Variants in GLIS1 observed in about 807,000 individuals in gnomAD.
The protein encoded by GLIS1 is GLIS family zinc finger 1.
GLIS1 carries 24 observed loss-of-function variants against 63.8 expected under a neutral mutation model. The observed-to-expected ratio is 0.38, with a 90% CI of 0.27 to 0.53. The LOEUF (loss-of-function observed/expected upper bound fraction) is 0.53, where lower values mean the gene tolerates loss of function less well. Ranked by LOEUF, GLIS1 falls within the 20% of genes least tolerant of loss-of-function variation. The probability of loss-of-function intolerance (pLI) is 0.85; values close to 1 mark genes in which losing one functional copy is unlikely to be tolerated. For synonymous variants in GLIS1, 450 were observed against 482.5 expected (o/e 0.93, Z 0.88); for missense variants, 1,036 against 1,074.1 (o/e 0.96, Z 0.50).
chr1:53,679,291 T>G (rs1053416736), intron 2 of GLIS1, among the ~76,000 whole-genome samples: 8 of 152,162 alleles, frequency 5.3e-5, no homozygotes, highest in Non-Finnish European at 1.2e-4. Flanking sequence ...GCAATTAAAA[T>G]AAACCCCAAA....
intron 2 of GLIS1, among the ~76,000 whole-genome samples, chr1:53,734,564 G>A (rs533936749): frequency 3.3e-4 from 50 of 152,254 alleles, no homozygotes; most frequent in African/African-American, 1.1e-3. Flanking sequence ...CTTAATGTCT[G>A]CATCTATAAA....
intron 4 of GLIS1, among the ~76,000 whole-genome samples, chr1:53,566,094 TA>T (rs1433406245): frequency 1.3e-5 from 2 of 152,290 alleles, no homozygotes; most frequent in African/African-American, 4.8e-5. Flanking sequence ...ATAACCTCAA[TA>T]GACTTAGAAA....
In GLIS1 at chr1:53,507,462, G is replaced by C. The variant is rs543419707; in HGVS notation, c.2231-686C>G. Among the ~76,000 whole-genome samples, 5 of 152,322 alleles carry C rather than the reference G, an allele frequency of 3.3e-5. No individual in the cohort carries two copies. The East Asian group carries it at 9.7e-4, about 29-fold the overall frequency. On this transcript the variant is annotated intron_variant, in intron 10 of 10. Transcript: ENST00000628545. ...GTCTCCAGGGTGGGGCCACCGCTCA[G>C]AGGCCCTTGACTTGGGAGGGGCCGG...
chr1:53,674,637 A>G (rs933345816), intron 2 of GLIS1, among the ~76,000 whole-genome samples: 3 of 152,176 alleles, frequency 2.0e-5, no homozygotes, highest in Non-Finnish European at 4.4e-5. Flanking sequence ...AAGAGCAGAC[A>G]CAGCCCAGTT....
rs772392071 is a variant in GLIS1 at position 53,520,677 on chromosome 1, G to A, written c.1683C>T (p.Ser561=). The change falls in exon 7 of 11, where the codon AGC becomes AGT. Residue 561 remains serine (S), a synonymous_variant. Transcript: ENST00000628545. The stretch of plus-strand genomic sequence containing the variant: ...CCAGGCCACAGCCACCCTTGCCGTC[G>A]CTGGCAGCCAGCTGTGTGGACGTGT... ...QLHTSTQLAA[S]DGKGGCGLGQ... is the part of the protein sequence containing the mutation. 104 of 1,610,022 alleles carry A rather than the reference G, an allele frequency of 6.5e-5. No individual in the cohort carries two copies. The highest frequency in any genetic ancestry group is 1.7e-5 in the Admixed American group (1 of 59,720).
At chr1:53,531,368 G>A (rs184907169) in intron 4 of GLIS1, among the ~76,000 whole-genome samples, 7 of 152,340 alleles carry the variant, frequency 4.6e-5, no homozygotes, top group East Asian at 1.9e-4. Flanking sequence ...GAGGACTGGC[G>A]CTCCCAAAGC....
At chr1:53,538,889 C>T (rs1294594291) in intron 4 of GLIS1, among the ~76,000 whole-genome samples, 4 of 152,172 alleles carry the variant, frequency 2.6e-5, no homozygotes, top group South Asian at 2.1e-4. Context: ...GAAAGGTGGC[C>T]GGCCAGCAAG....
At chr1:53,688,301 T>C (rs1189628412) in intron 2 of GLIS1, among the ~76,000 whole-genome samples, 6 of 152,172 alleles carry the variant, frequency 3.9e-5, no homozygotes, top group Non-Finnish European at 5.9e-5. Context: ...TTTTGACTAG[T>C]CCCTACAAAA....
intron 2 of GLIS1, among the ~76,000 whole-genome samples, chr1:53,644,825 A>G (rs971262838): frequency 1.3e-5 from 2 of 152,212 alleles, no homozygotes; most frequent in African/African-American, 4.8e-5. Flanking sequence ...GGCTCACTCC[A>G]CAACAGCAAG....
In GLIS1 at chr1:53,646,150, C is replaced by T. The variant is rs956357202; in HGVS notation, c.260-45872G>A. 8.6e-5 allele frequency among the ~76,000 whole-genome samples: 13 copies of T among 151,962 alleles called. No homozygotes were observed. The highest frequency in any genetic ancestry group is 4.1e-4 in the South Asian group (2 of 4,822). On this transcript the variant is annotated intron_variant, in intron 2 of 10. Coordinates refer to ENST00000628545, the MANE Select transcript of GLIS1 (RefSeq NM_001367484.1). The surrounding 1 kb of genome is among the most constrained non-coding windows in gnomAD (Gnocchi z 4.2). ...TATATTGTTTAGGCACACATAGACA[C>T]GTGATAAAAACTATTTATTTGATTA... is the stretch of plus-strand genomic sequence containing the variant.
chr1:53,535,352 T>G (rs1644571988), intron 4 of GLIS1, among the ~76,000 whole-genome samples: 1 of 152,014 alleles, frequency 6.6e-6, no homozygotes. Flanking sequence ...CTGTCACTGT[T>G]TCTTCCATCT....
At chr1:53,571,533 A>C (rs1489766268) in intron 4 of GLIS1, among the ~76,000 whole-genome samples, 1 of 152,228 alleles carries the variant, frequency 6.6e-6, no homozygotes, top group Non-Finnish European at 1.5e-5. Flanking sequence ...AATAGTATAC[A>C]GTAGTGAAAA....
At chr1:53,536,770 G>A (rs1557437777) in intron 4 of GLIS1, among the ~76,000 whole-genome samples, 1 of 152,250 alleles carries the variant, frequency 6.6e-6, no homozygotes, top group East Asian at 1.9e-4. Flanking sequence ...CATTCCTGGG[G>A]CAAGGCCAGG....
chr1:53,557,244 A>G (rs1324377424), intron 4 of GLIS1, among the ~76,000 whole-genome samples: 1 of 152,132 alleles, frequency 6.6e-6, no homozygotes, highest in Non-Finnish European at 1.5e-5. Context: ...TTTGCTGAAC[A>G]TCCTGGACAC....
At chr1:53,610,881 A>G (rs145092328) in intron 2 of GLIS1, among the ~76,000 whole-genome samples, 1 of 152,218 alleles carries the variant, frequency 6.6e-6, no homozygotes, top group African/African-American at 2.4e-5. Context: ...ACTTTCATGC[A>G]TCAGCCTGGA....
intron 2 of GLIS1, among the ~76,000 whole-genome samples, chr1:53,617,673 T>C (rs72894706): frequency 4.8e-4 from 73 of 152,404 alleles, no homozygotes; most frequent in African/African-American, 1.6e-3. Context: ...TTACAAGTTA[T>C]TTCCCTTTTA....
At chr1:53,720,252 C>T (rs1215351953) in intron 2 of GLIS1, among the ~76,000 whole-genome samples, 3 of 152,186 alleles carry the variant, frequency 2.0e-5, no homozygotes, top group African/African-American at 7.2e-5. Context: ...AGGAATCAAC[C>T]TAAGTGTCCA....
chr1:53,676,846 C>A (rs937011146), intron 2 of GLIS1, among the ~76,000 whole-genome samples: 1 of 152,166 alleles, frequency 6.6e-6, no homozygotes, highest in Non-Finnish European at 1.5e-5. Flanking sequence ...AGTTCTAATA[C>A]CCCCTTGAAT....
intron 2 of GLIS1, among the ~76,000 whole-genome samples, chr1:53,729,164 G>T (rs1373443032): frequency 6.6e-6 from 1 of 152,212 alleles, no homozygotes; most frequent in Non-Finnish European, 1.5e-5. Flanking sequence ...TACCCCTGCT[G>T]TCAGGGATGG....
Sources: gnomAD v4.1 joint callset for allele counts (sites outside exome capture counted in the v4.1 genomes callset) on GRCh38, gnomAD v4.1.1 for gene constraint, Gnocchi (gnomAD v3.1) non-coding constraint, MANE v1.5 for transcripts, NCBI Gene and HGNC (gene_info 2026-07-23, HGNC 2026-07-21) for gene names.